The following UNC80 variants were observed in gnomAD, a reference collection of about 807,000 sequenced individuals.
The protein encoded by UNC80 is protein unc-80 homolog.
In UNC80, 164 loss-of-function variants were observed where a neutral mutation model predicts 384.6. The ratio of observed to expected loss-of-function variants is 0.43; its 90% CI spans 0.38 to 0.49. The LOEUF (loss-of-function observed/expected upper bound fraction) is 0.49. Among genes scored for constraint, UNC80 ranks in the 20% least tolerant of loss-of-function variants. The pLI is 0.00. For synonymous variants in UNC80, 1,486 were observed against 1,527.8 expected (o/e 0.97, Z 0.64); for missense variants, 3,330 against 4,143.0 (o/e 0.80, Z 5.39).
At chr2:209,984,206 T>C (rs2093229862) in intron 60 of UNC80, among the ~76,000 whole-genome samples, 1 of 152,248 alleles carries the variant, frequency 6.6e-6, no homozygotes. Flanking sequence ...TTTCTTCTTT[T>C]GGCATTTACA....
At chr2:209,887,451 G>T (rs1304066138) in intron 25 of UNC80, among the ~76,000 whole-genome samples, 1 of 152,112 alleles carries the variant, frequency 6.6e-6, no homozygotes, top group Non-Finnish European at 1.5e-5. Context: ...TTGTGATTGG[G>T]CCCATTTAGC....
chr2:209,777,583 G>A, intron 4 of UNC80, 24 bp downstream of exon 4: 10 of 1,581,530 alleles, frequency 6.3e-6, no homozygotes, highest in African/African-American at 1.3e-5. Flanking sequence ...CAGTGTTAGA[G>A]CTGGAGTGGG....
intron 18 of UNC80, among the ~76,000 whole-genome samples, chr2:209,838,663 A>C (rs2081515882): frequency 6.6e-6 from 1 of 152,078 alleles, no homozygotes; most frequent in South Asian, 2.1e-4. Context: ...GGGATCTTTA[A>C]TAAAAAGTTA....
intron 40 of UNC80, among the ~76,000 whole-genome samples, chr2:209,936,050 G>A (rs1442264641): frequency 6.6e-6 from 1 of 151,920 alleles, no homozygotes; most frequent in Non-Finnish European, 1.5e-5. Context: ...ATAGTTCTGG[G>A]CCCAGATGTA....
intron 61 of UNC80, among the ~76,000 whole-genome samples, chr2:209,988,505 T>A (rs2093333852): frequency 6.6e-6 from 1 of 152,186 alleles, no homozygotes; most frequent in South Asian, 2.1e-4. Flanking sequence ...ATAAAGTGCA[T>A]CCTTTATAAA....
intron 7 of UNC80, among the ~76,000 whole-genome samples, chr2:209,797,439 C>G (rs1350882844): frequency 6.6e-6 from 1 of 152,096 alleles, no homozygotes; most frequent in Non-Finnish European, 1.5e-5. Flanking sequence ...TTTTCTGTTC[C>G]TGTGTTAGTT....
chr2:209,976,346 G>T lies in UNC80; in HGVS notation c.8772+43G>T, dbSNP rs993849132. ...CCTCCTGAAAGTGGCAAGCTCAAAT[G>T]AATGTGTGGCTCTCTACTGAGGCAG... On this transcript the variant is annotated intron_variant, in intron 57 of 64. Transcript: ENST00000673920. The surrounding 1 kb of genome is among the most constrained non-coding windows in gnomAD (Gnocchi z 4.3). 9 of 1,551,144 alleles carry T rather than the reference G, an allele frequency of 5.8e-6. No individual in the cohort carries two copies. Among genetic ancestry groups the T allele is most frequent in the Non-Finnish European group, 7.8e-6 (9 of 1,146,632 alleles).
chr2:209,929,022 T>C (rs1368342077), intron 36 of UNC80, among the ~76,000 whole-genome samples: 2 of 152,244 alleles, frequency 1.3e-5, no homozygotes, highest in African/African-American at 4.8e-5. Flanking sequence ...TAATTAGTTA[T>C]AGAGACACAT....
chr2:209,894,213 G>A lies in UNC80; in HGVS notation c.4327G>A (p.Gly1443Arg), dbSNP rs2086605925. Residue 1443 changes from glycine to arginine, a missense_variant, in exon 27 of 65, where the codon GGA becomes AGA. Physicochemically the swap from Gly to Arg is moderately radical, Grantham distance 125. Around this residue, in one of 8 missense-constraint regions of UNC80, gnomAD observed 801 missense variants for 950.8 expected, o/e 0.84. Transcript: ENST00000673920. ...AGGTTCTCGCCTGCTCCAGATTAAAGGAACCCGCAGTTTCCAGGTGAAGAA... is the reference window on the plus strand; with the variant it reads ...AGGTTCTCGCCTGCTCCAGATTAAAAGAACCCGCAGTTTCCAGGTGAAGAA... Reference protein sequence around the residue: ...IGGSRLLQIKGTRSFQVKKGG... With the variant: ...IGGSRLLQIKRTRSFQVKKGG... 1.0e-6 allele frequency: 1 copy of A among 985,396 alleles called. No homozygotes were observed. The highest frequency in any genetic ancestry group is 1.2e-6 in the Non-Finnish European group (1 of 829,922). The allele number at this position is 985,396 out of a possible 1,614,324, so 61.0% of individuals were successfully genotyped here.
chr2:209,984,606 A>T (rs527401919), intron 60 of UNC80, among the ~76,000 whole-genome samples: 13 of 152,182 alleles, frequency 8.5e-5, no homozygotes, highest in African/African-American at 3.1e-4. Flanking sequence ...TTAACTCTTG[A>T]CCAATAAATA....
At chr2:209,906,028 A>G (rs1216029506) in intron 29 of UNC80, among the ~76,000 whole-genome samples, 2 of 152,196 alleles carry the variant, frequency 1.3e-5, no homozygotes, top group Non-Finnish European at 2.9e-5. Context: ...GGCATTTATT[A>G]TGTGTCCTCT....
chr2:209,888,168 C>G lies in UNC80; in HGVS notation c.4184C>G (p.Ala1395Gly). 6.4e-7 allele frequency: 1 copy of G among 1,551,678 alleles called. No homozygotes were observed. Among genetic ancestry groups the G allele is most frequent in the Non-Finnish European group, 8.7e-7 (1 of 1,146,992 alleles). ...AGATATGAGAGGAAGATCAGCTTTGCTGGGGTCCTGGACGAAAATGAAGAC... is the reference window on the plus strand; with the variant it reads ...AGATATGAGAGGAAGATCAGCTTTGGTGGGGTCCTGGACGAAAATGAAGAC... Reference protein sequence around the residue: ...RHRYERKISFAGVLDENEDSK... With the variant: ...RHRYERKISFGGVLDENEDSK... Residue 1395 changes from alanine to glycine, a missense_variant, in exon 26 of 65, where the codon GCT becomes GGT. Ala to Gly is a moderately conservative substitution (Grantham distance 60). Transcript: ENST00000673920.
At chr2:209,888,334 A>G in intron 26 of UNC80, 74 bp downstream of exon 26, 1 of 1,467,002 alleles carries the variant, frequency 6.8e-7, no homozygotes, top group Non-Finnish European at 9.2e-7. Context: ...TAGGGTCTAA[A>G]CTACAAAATT....
At chr2:209,825,513 ATCCTT>A (rs1250024373) in intron 13 of UNC80, among the ~76,000 whole-genome samples, 1 of 152,180 alleles carries the variant, frequency 6.6e-6, no homozygotes, top group Non-Finnish European at 1.5e-5. Context: ...CTTGGCAGTA[ATCCTT>A]TCCTGGTGTA....
At chr2:209,936,749 C>T in intron 40 of UNC80, 95 bp from the exon 41 acceptor site, 1 of 766,072 alleles carries the variant, frequency 1.3e-6, no homozygotes. Context: ...TAAGAGGTTA[C>T]CTTGTTTTTT....
At chr2:209,809,897 G>A (rs902374369) in intron 7 of UNC80, among the ~76,000 whole-genome samples, 4 of 152,140 alleles carry the variant, frequency 2.6e-5, no homozygotes, top group African/African-American at 9.7e-5. Context: ...ATGTGTTTGT[G>A]TATTTAGAAC....
chr2:209,955,741 A>ATG (rs2092388414), intron 48 of UNC80, among the ~76,000 whole-genome samples: 2 of 82,236 alleles, frequency 2.4e-5, no homozygotes, highest in Non-Finnish European at 4.2e-5. Context: ...ATATATATAC[A>ATG]CACACACACA....
At chr2:209,787,375 AG>A (rs2077508928) in intron 5 of UNC80, among the ~76,000 whole-genome samples, 1 of 152,244 alleles carries the variant, frequency 6.6e-6, no homozygotes, top group Non-Finnish European at 1.5e-5. Context: ...CTCTAAAGTT[AG>A]TCTGGGCTAT....
rs1225972802 is a variant in UNC80, at chr2:209,959,703, A to C, written c.7801A>C (p.Met2601Leu). 26 of 1,551,194 alleles carry C rather than the reference A, an allele frequency of 1.7e-5. No individual in the cohort carries two copies. The highest frequency in any genetic ancestry group is 2.2e-5 in the Non-Finnish European group (25 of 1,146,934). ...ALELLDVKSH[M>L]RLAEIAHSLL... Reference sequence around the variant, plus strand: ...GGAACTGCTGGATGTGAAGTCTCACATGAGGTACTGGCCTCGCTTTCCCTG... The same window carrying C: ...GGAACTGCTGGATGTGAAGTCTCACCTGAGGTACTGGCCTCGCTTTCCCTG... Residue 2601 changes from methionine to leucine, a missense_variant, in exon 51 of 65, where the codon ATG becomes CTG. Around this residue, in one of 8 missense-constraint regions of UNC80, gnomAD observed 1,049 missense variants for 1,488.6 expected, o/e 0.70. Coordinates refer to ENST00000673920, the MANE Select transcript of UNC80 (RefSeq NM_001371986.1).
Sources: gnomAD v4.1 joint callset for allele counts (sites outside exome capture counted in the v4.1 genomes callset) on GRCh38, gnomAD v4.1.1 for gene constraint, gnomAD v4.1.1 regional missense constraint, Gnocchi (gnomAD v3.1) non-coding constraint, MANE v1.5 for transcripts, NCBI Gene and HGNC (gene_info 2026-07-23, HGNC 2026-07-21) for gene names.